The following FRY variants were observed in gnomAD, a reference collection of about 807,000 sequenced individuals.
FRY encodes FRY microtubule binding protein.
Under a neutral mutation model 348.4 loss-of-function variants are expected in FRY, and 128 were observed. The ratio of observed to expected loss-of-function variants is 0.37; its 90% confidence interval spans 0.32 to 0.43. FRY has a LOEUF of 0.43. FRY is among the 20% of genes least tolerant of loss of function. The probability of loss-of-function intolerance (pLI) is 1.00; values close to 1 mark genes in which losing one functional copy is unlikely to be tolerated. For synonymous variants in FRY, 1,370 were observed against 1,374.7 expected (o/e 1.00, Z 0.08); for missense variants, 2,736 against 3,695.2 (o/e 0.74, Z 6.73).
intron 1 of FRY, among the ~76,000 whole-genome samples, chr13:32,059,251 T>C (rs1356099204): frequency 6.6e-5 from 10 of 152,048 alleles, no homozygotes; most frequent in Admixed American, 3.9e-4. Flanking sequence ...ATTTGAGAGG[T>C]TAGTCTAATA....
At chr13:32,149,702 G>C in intron 13 of FRY, 46 bp from the exon 14 acceptor site, 1 of 1,152,442 alleles carries the variant, frequency 8.7e-7, no homozygotes, top group Non-Finnish European at 1.3e-6. Flanking sequence ...TTTCTGTTGA[G>C]TTTATATTTT....
rs1431948810 is a variant in FRY, at chr13:32,231,427, A to G, written c.5527+127A>G. The G allele has an allele frequency of 4.4e-6, 4 of 916,710 alleles. No individual in the cohort carries two copies. The African/African-American group carries it at 4.9e-5, about 11-fold the overall frequency. 56.8% of individuals were successfully genotyped at this position (916,710 alleles called of 1,614,324 possible). On this transcript the variant is annotated intron_variant, in intron 41 of 60. Transcript: ENST00000542859. ...ACATCCATAGCACGAGCATATTCACAGGGGAGTTCTGAAGCTTGTTCAGAT... is the reference window on the plus strand; with the variant it reads ...ACATCCATAGCACGAGCATATTCACGGGGGAGTTCTGAAGCTTGTTCAGAT...
chr13:32,255,540 C>T (rs1887286610), intron 51 of FRY, among the ~76,000 whole-genome samples: 1 of 152,214 alleles, frequency 6.6e-6, no homozygotes, highest in African/African-American at 2.4e-5. Context: ...AGGTGTTCTT[C>T]ACCAATTCTT....
Position 32,078,870 on chromosome 13 carries a change from T to C in FRY, c.107T>C (p.Val36Ala). ...PVGNGYIKPP[V>A]PPASGTHREK... ...GGCAACGGTTACATCAAGCCTCCGGTTCCACCTGCTTCTGGCACGCACAGG... is the reference window on the plus strand; with the variant it reads ...GGCAACGGTTACATCAAGCCTCCGGCTCCACCTGCTTCTGGCACGCACAGG... The change falls in exon 2 of 61, where the codon GTT becomes GCT. Residue 36 changes from valine to alanine, a missense_variant. Val to Ala is a moderately conservative substitution (Grantham distance 64, BLOSUM62 0). Around this residue, in one of 9 missense-constraint regions of FRY, gnomAD observed 309 missense variants for 418.1 expected, o/e 0.74. Coordinates refer to ENST00000542859, the MANE Select transcript of FRY (RefSeq NM_023037.3). The C allele has an allele frequency of 6.2e-7, 1 of 1,614,116 alleles. No homozygotes were observed. The highest frequency in any genetic ancestry group is 8.5e-7 in the Non-Finnish European group (1 of 1,180,000).
chr13:32,149,795 T>C lies in FRY; in HGVS notation c.1440T>C (p.Cys480=). ...AMKEIIFDFL[C]VGKPAKAFSL... ...AAGAAATCATTTTCGATTTTCTTTG[T>C]GTGGGAAAACCAGCAAAAGCATTCA... The change falls in exon 14 of 61, where the codon TGT becomes TGC. Residue 480 remains cysteine (C), a synonymous_variant. Coordinates refer to ENST00000542859, the MANE Select transcript of FRY (RefSeq NM_023037.3). 1 of 1,611,728 alleles carries C rather than the reference T, an allele frequency of 6.2e-7. No individual in the cohort carries two copies. Among genetic ancestry groups the C allele is most frequent in the Non-Finnish European group, 8.5e-7 (1 of 1,177,782 alleles).
At chr13:32,265,232 A>G (rs1240107559) in intron 53 of FRY, among the ~76,000 whole-genome samples, 1 of 152,238 alleles carries the variant, frequency 6.6e-6, no homozygotes, top group Admixed American at 6.5e-5. Flanking sequence ...TTTGGGGACC[A>G]TTATGGAAGA....
chr13:32,245,559 A>G (rs770772254), intron 47 of FRY, among the ~76,000 whole-genome samples: 2 of 152,256 alleles, frequency 1.3e-5, no homozygotes, highest in Non-Finnish European at 2.9e-5. Context: ...GGTTACAGTG[A>G]ACTGTGATCA....
chr13:32,079,867 G>A (rs1260651818), intron 2 of FRY, among the ~76,000 whole-genome samples: 1 of 152,196 alleles, frequency 6.6e-6, no homozygotes, highest in African/African-American at 2.4e-5. Context: ...TGTACCTCCT[G>A]TGAGGTTACT....
intron 51 of FRY, among the ~76,000 whole-genome samples, chr13:32,259,419 T>C (rs1337285472): frequency 1.3e-5 from 2 of 152,186 alleles, no homozygotes; most frequent in African/African-American, 4.8e-5. Flanking sequence ...TGCCTCCCTA[T>C]TTTCACACCT....
intron 7 of FRY, among the ~76,000 whole-genome samples, chr13:32,130,725 C>T (rs1435002238): frequency 6.6e-6 from 1 of 152,030 alleles, no homozygotes; most frequent in Non-Finnish European, 1.5e-5. Flanking sequence ...TTGTTTTGCA[C>T]TTATCAGATA....
chr13:32,135,233 A>C (rs1328707270), intron 10 of FRY, 50 bp downstream of exon 10: 2 of 1,098,072 alleles, frequency 1.8e-6, no homozygotes, highest in Non-Finnish European at 2.8e-6. Flanking sequence ...GCACAGACTA[A>C]AATTCCTAGA....
intron 49 of FRY, among the ~76,000 whole-genome samples, chr13:32,250,453 C>T (rs116126629): frequency 0.019 from 2,832 of 152,256 alleles, 89 homozygotes; most frequent in African/African-American, 0.058. Context: ...CCCTTGTTTT[C>T]CCCTCCAGTG....
chr13:32,106,696 T>A (rs1056366219), intron 3 of FRY, among the ~76,000 whole-genome samples: 2 of 152,222 alleles, frequency 1.3e-5, no homozygotes, highest in Non-Finnish European at 2.9e-5. Flanking sequence ...TGGCCACATC[T>A]AGCTATAAGA....
chr13:32,133,260 A>G (rs1184978326), intron 8 of FRY, among the ~76,000 whole-genome samples: 8 of 152,212 alleles, frequency 5.3e-5, no homozygotes, highest in African/African-American at 1.9e-4. Flanking sequence ...CTCGGGTTTG[A>G]ATTCAAGCTC....
intron 2 of FRY, among the ~76,000 whole-genome samples, chr13:32,096,695 G>A (rs1248603291): frequency 1.3e-5 from 2 of 151,098 alleles, no homozygotes; most frequent in Admixed American, 1.3e-4. Flanking sequence ...AGAGCCTGAG[G>A]CTGAGGCTGA....
rs754327874 is a variant in FRY, at chr13:32,202,999, C to T, written c.4018+472C>T. On this transcript the variant is annotated intron_variant, in intron 31 of 60. Transcript: ENST00000542859. ...AATTAGTGATGCTAAGTTTGTAGGTCAGAATTACTGTGGGCTAGATCCAGT... is the reference window on the plus strand; with the variant it reads ...AATTAGTGATGCTAAGTTTGTAGGTTAGAATTACTGTGGGCTAGATCCAGT... 2.6e-5 allele frequency among the ~76,000 whole-genome samples: 4 copies of T among 151,554 alleles called. No homozygotes were observed. The East Asian group carries it at 5.8e-4, about 22-fold the overall frequency.
At chr13:32,083,774 C>T (rs1232751228) in intron 2 of FRY, among the ~76,000 whole-genome samples, 2 of 152,050 alleles carry the variant, frequency 1.3e-5, no homozygotes, top group Admixed American at 1.3e-4. Flanking sequence ...CTGGGAACAT[C>T]GTTTCATCTT....
chr13:32,265,463 G>C lies in FRY; in HGVS notation c.7793G>C (p.Arg2598Pro), dbSNP rs577820940. The C allele has an allele frequency of 6.2e-7, 1 of 1,614,060 alleles. No individual in the cohort carries two copies. The highest frequency in any genetic ancestry group is 1.1e-5 in the South Asian group (1 of 91,076). ...TTATTCTTCCAGGCTGAAGCTGTTC[G>C]TGAGGAGGAGGACACCACCGTGCAT... ...ISEGSKAEAV[R>P]EEEDTTVHED... is the part of the protein sequence containing the mutation. The change falls in exon 54 of 61, where the codon CGT becomes CCT. Residue 2598 changes from arginine to proline, a missense_variant. Physicochemically the swap from Arg to Pro is moderately radical, Grantham distance 103. Coordinates refer to ENST00000542859, the MANE Select transcript of FRY (RefSeq NM_023037.3).
chr13:32,177,112 A>T (rs560167874), intron 20 of FRY, among the ~76,000 whole-genome samples: 29 of 152,214 alleles, frequency 1.9e-4, no homozygotes, highest in Non-Finnish European at 3.8e-4. Flanking sequence ...CCTAACAAAC[A>T]TAAAGGCAGT....
Sources: gnomAD v4.1 joint callset for allele counts (sites outside exome capture counted in the v4.1 genomes callset) on GRCh38, gnomAD v4.1.1 for gene constraint, gnomAD v4.1.1 regional missense constraint, MANE v1.5 for transcripts, NCBI Gene and HGNC (gene_info 2026-07-23, HGNC 2026-07-21) for gene names.